Variants in LINGO2 observed in about 807,000 individuals in gnomAD.
LINGO2 encodes leucine rich repeat and Ig domain containing 2.
LINGO2 carries 14 observed loss-of-function variants against 30.6 expected under a neutral mutation model. The ratio of observed to expected loss-of-function variants is 0.46; its 90% CI spans 0.30 to 0.72. LINGO2 has a LOEUF of 0.72. Ranked by LOEUF, LINGO2 falls within the 30% of genes least tolerant of loss-of-function variation. LINGO2 has a pLI of 0.07. For synonymous variants in LINGO2, 317 were observed against 288.5 expected (o/e 1.10, Z -1.00); for missense variants, 729 against 751.7 (o/e 0.97, Z 0.35).
At chr9:29,179,141 T>A in the LINGO2 span, among the ~76,000 whole-genome samples, 2 of 137,822 alleles carry the variant, frequency 1.5e-5, no homozygotes, top group Non-Finnish European at 3.1e-5. Flanking sequence ...CGTGATAAAA[T>A]GTTCCTTCTT....
chr9:29,133,773 T>C, the LINGO2 span, among the ~76,000 whole-genome samples: 1 of 152,126 alleles, frequency 6.6e-6, no homozygotes, highest in Non-Finnish European at 1.5e-5. Flanking sequence ...CATGCTACCA[T>C]TGCAACATAA....
At chr9:28,446,172 A>T (rs1824419031) in intron 2 of LINGO2, among the ~76,000 whole-genome samples, 1 of 152,134 alleles carries the variant, frequency 6.6e-6, no homozygotes, top group South Asian at 2.1e-4. Flanking sequence ...GTTTATCACT[A>T]GGATATGGAA....
At chr9:29,178,044 T>G in the LINGO2 span, among the ~76,000 whole-genome samples, 1 of 151,914 alleles carries the variant, frequency 6.6e-6, no homozygotes, top group Non-Finnish European at 1.5e-5. Context: ...CCTAATACTT[T>G]TATTTTATTT....
At chr9:28,059,927 G>A (rs1010673457) in intron 4 of LINGO2, among the ~76,000 whole-genome samples, 1 of 151,898 alleles carries the variant, frequency 6.6e-6, no homozygotes, top group South Asian at 2.1e-4. Flanking sequence ...GGCTTTGGAT[G>A]CAAAACACCT....
chr9:28,156,693 G>T (rs1564007345), intron 4 of LINGO2, among the ~76,000 whole-genome samples: 3 of 152,146 alleles, frequency 2.0e-5, no homozygotes, highest in Non-Finnish European at 2.9e-5. Flanking sequence ...AAAATCAAAA[G>T]CAAGTTAGTT....
the LINGO2 span, among the ~76,000 whole-genome samples, chr9:28,676,953 T>A: frequency 7.9e-5 from 12 of 152,170 alleles, no homozygotes. Context: ...CTCTTTAAAT[T>A]ACACACAAAC....
intron 4 of LINGO2, among the ~76,000 whole-genome samples, chr9:28,188,663 A>T (rs897439852): frequency 2.0e-5 from 3 of 152,168 alleles, no homozygotes; most frequent in South Asian, 2.1e-4. Flanking sequence ...AGACATTCTT[A>T]TGTTTTCTAT....
chr9:28,751,986 C>T, the LINGO2 span, among the ~76,000 whole-genome samples: 11 of 151,954 alleles, frequency 7.2e-5, no homozygotes, highest in African/African-American at 2.7e-4. Flanking sequence ...CACCTTCAAA[C>T]ATTTAAATAG....
intron 5 of LINGO2, among the ~76,000 whole-genome samples, chr9:27,985,028 G>GAT (rs1261138415): frequency 1.6e-5 from 2 of 128,088 alleles, no homozygotes; most frequent in Non-Finnish European, 3.4e-5. Context: ...AAAATAATTA[G>GAT]ACACGTTTCT....
chr9:28,174,916 G>T (rs1415919583), intron 4 of LINGO2, among the ~76,000 whole-genome samples: 1 of 140,768 alleles, frequency 7.1e-6, no homozygotes, highest in African/African-American at 2.7e-5. Context: ...GTGTGTGTGT[G>T]TGTGTGAGAG....
At chr9:28,876,129 T>G in the LINGO2 span, among the ~76,000 whole-genome samples, 2 of 152,144 alleles carry the variant, frequency 1.3e-5, no homozygotes, top group East Asian at 3.8e-4. Flanking sequence ...ATTGCTACTC[T>G]TCTCAATAAT....
the LINGO2 span, among the ~76,000 whole-genome samples, chr9:29,039,404 AG>A: frequency 6.6e-6 from 1 of 152,162 alleles, no homozygotes; most frequent in Admixed American, 6.6e-5. Context: ...TGTGTTAAAT[AG>A]GGTGTTTCAC....
At chr9:28,961,153 A>G in the LINGO2 span, among the ~76,000 whole-genome samples, 2 of 152,162 alleles carry the variant, frequency 1.3e-5, no homozygotes, top group African/African-American at 4.8e-5. Flanking sequence ...AATAGGCACA[A>G]TTCTCTAGAT....
chr9:28,825,844 G>A, the LINGO2 span, among the ~76,000 whole-genome samples: 4 of 152,040 alleles, frequency 2.6e-5, no homozygotes, highest in Admixed American at 6.6e-5. Flanking sequence ...CAGAAACTTC[G>A]AGCTGTTATC....
At chr9:28,451,989 T>C (rs888539461) in intron 2 of LINGO2, among the ~76,000 whole-genome samples, 1 of 151,756 alleles carries the variant, frequency 6.6e-6, no homozygotes, top group African/African-American at 2.4e-5. Flanking sequence ...ATTGAGCATA[T>C]GAAAAACTCT....
At chr9:29,045,556 T>C in the LINGO2 span, among the ~76,000 whole-genome samples, 2 of 151,590 alleles carry the variant, frequency 1.3e-5, no homozygotes, top group South Asian at 4.2e-4. Flanking sequence ...AAAAAGGATT[T>C]GATAAGATCC....
chr9:28,911,607 C>A, the LINGO2 span, among the ~76,000 whole-genome samples: 2 of 151,976 alleles, frequency 1.3e-5, no homozygotes, highest in Non-Finnish European at 1.5e-5. Flanking sequence ...AGTGCCTCAG[C>A]CTTATTCAAT....
the LINGO2 span, among the ~76,000 whole-genome samples, chr9:28,746,211 G>A: frequency 6.6e-6 from 1 of 151,798 alleles, no homozygotes; most frequent in Non-Finnish European, 1.5e-5. Context: ...ATCATGCTAG[G>A]TAAAGTAAGA....
At chr9:28,168,144 T>C (rs1828483732) in intron 4 of LINGO2, among the ~76,000 whole-genome samples, 1 of 152,204 alleles carries the variant, frequency 6.6e-6, no homozygotes, top group Admixed American at 6.5e-5. Flanking sequence ...GCAGTGGGTT[T>C]GAGCAGGGAG....
Sources: gnomAD v4.1 joint callset for allele counts (sites outside exome capture counted in the v4.1 genomes callset) on GRCh38, gnomAD v4.1.1 for gene constraint, MANE v1.5 for transcripts, NCBI Gene and HGNC (gene_info 2026-07-23, HGNC 2026-07-21) for gene names.